XKR6: variants seen among roughly 807,000 people sequenced by gnomAD.
XKR6 encodes XK related 6.
In XKR6, 22 loss-of-function variants were observed where a neutral mutation model predicts 56.7. The ratio of observed to expected loss-of-function variants is 0.39; its 90% confidence interval spans 0.28 to 0.55. The LOEUF is 0.55. Among genes scored for constraint, XKR6 ranks in the 20% least tolerant of loss-of-function variants. The probability of loss-of-function intolerance (pLI) is 0.66; values close to 1 mark genes in which losing one functional copy is unlikely to be tolerated. For synonymous variants in XKR6, 524 were observed against 387.8 expected, an observed-to-expected ratio of 1.35 and a Z score of -4.13; for missense variants, 852 against 889.0, an observed-to-expected ratio of 0.96 and a Z score of 0.53.
intron 1 of XKR6, among the ~76,000 whole-genome samples, chr8:10,944,427 G>C (rs936944081): frequency 6.6e-6 from 1 of 152,188 alleles, no homozygotes; most frequent in African/African-American, 2.4e-5. Flanking sequence ...CCAGCACACA[G>C]AAGGCAAGGG....
intron 1 of XKR6, among the ~76,000 whole-genome samples, chr8:11,134,504 C>A (rs1280940344): frequency 1.3e-5 from 2 of 152,146 alleles, no homozygotes; most frequent in Non-Finnish European, 2.9e-5. Flanking sequence ...GTCTCCTAGG[C>A]ACAATGGCAG....
Position 11,178,547 on chromosome 8 carries a change from A to ATATATGT in XKR6, c.764+22028_764+22029insACATATA, listed in dbSNP as rs1802779230. On this transcript the variant is annotated intron_variant, in intron 1 of 2. Coordinates refer to ENST00000416569, the MANE Select transcript of XKR6 (RefSeq NM_173683.4). ...TAAGTCCAAACATCTGAGAGGTAAA[A>ATATATGT]ATATATATATATATATATATATATA... 6.1e-4 allele frequency among the ~76,000 whole-genome samples: 54 copies of ATATATGT among 88,496 alleles called. 1 individual carries two copies. The highest frequency in any genetic ancestry group is 3.0e-3 in the African/African-American group (51 of 17,206). 58.1% of individuals were successfully genotyped at this position (88,496 alleles called of 152,430 possible).
At chr8:11,195,320 G>C (rs1292542252) in intron 1 of XKR6, 1 of 600,156 alleles carries the variant, frequency 1.7e-6, no homozygotes, top group Non-Finnish European at 3.0e-6. Context: ...ACCTAAGGTA[G>C]AGATTCATTT....
chr8:11,009,266 T>C (rs1313146359), intron 1 of XKR6, among the ~76,000 whole-genome samples: 1 of 152,172 alleles, frequency 6.6e-6, no homozygotes, highest in Non-Finnish European at 1.5e-5. Context: ...ATCCCAGCAA[T>C]TTGGGAGGCC....
intron 1 of XKR6, among the ~76,000 whole-genome samples, chr8:10,986,123 A>C (rs925379837): frequency 6.6e-6 from 1 of 152,264 alleles, no homozygotes; most frequent in African/African-American, 2.4e-5. Flanking sequence ...GACCAGAAAC[A>C]GACTGAAGAT....
intron 1 of XKR6, among the ~76,000 whole-genome samples, chr8:11,120,121 G>T (rs1799375639): frequency 6.6e-6 from 1 of 152,162 alleles, no homozygotes; most frequent in South Asian, 2.1e-4. Context: ...TTTGAAAACT[G>T]GCAGAAGACA....
At chr8:11,184,681 A>G (rs760801162) in intron 1 of XKR6, among the ~76,000 whole-genome samples, 5 of 152,278 alleles carry the variant, frequency 3.3e-5, no homozygotes, top group South Asian at 2.1e-4. Flanking sequence ...TAACACCTTT[A>G]TAAGGAATTT....
At chr8:10,965,672 A>G (rs1290054565) in intron 1 of XKR6, among the ~76,000 whole-genome samples, 2 of 152,210 alleles carry the variant, frequency 1.3e-5, no homozygotes, top group African/African-American at 4.8e-5. Flanking sequence ...CGGAAGCGCC[A>G]TCTCTCTCTT....
chr8:11,063,333 A>G (rs1016565049), intron 1 of XKR6, among the ~76,000 whole-genome samples: 44 of 151,834 alleles, frequency 2.9e-4, no homozygotes, highest in African/African-American at 9.9e-4. Context: ...AAAAAAAAAA[A>G]TCCCACAAAA....
At chr8:10,984,720 C>CTATATGTATA (rs1212342415) in intron 1 of XKR6, among the ~76,000 whole-genome samples, 10 of 83,262 alleles carry the variant, frequency 1.2e-4, no homozygotes, top group African/African-American at 5.3e-4. Flanking sequence ...CTCTCTCTCT[C>CTATATGTATA]TCTCTCTCTC....
At chr8:10,952,959 T>C (rs1185802941) in intron 1 of XKR6, among the ~76,000 whole-genome samples, 9 of 152,136 alleles carry the variant, frequency 5.9e-5, no homozygotes, top group Admixed American at 4.6e-4. Context: ...TTGTGAACTG[T>C]GCCTGCGAGG....
At chr8:11,189,822 C>G (rs1382431849) in intron 1 of XKR6, among the ~76,000 whole-genome samples, 3 of 152,172 alleles carry the variant, frequency 2.0e-5, no homozygotes, top group Non-Finnish European at 2.9e-5. Context: ...TCTCAAATAT[C>G]TGGCTCCTCA....
rs564727401 is a variant in XKR6 at position 11,134,407 on chromosome 8, G to T, written c.764+66169C>A. On this transcript the variant is annotated intron_variant, in intron 1 of 2. Coordinates refer to ENST00000416569, the MANE Select transcript of XKR6 (RefSeq NM_173683.4). ...GTATTAGCAAGGATACAGAGAAAAG[G>T]GTAGCATCATACACTGTTGGACAAC... Among the ~76,000 whole-genome samples, 11 of 152,162 alleles carry T rather than the reference G, an allele frequency of 7.2e-5. No individual in the cohort carries two copies. In the East Asian group the frequency reaches 1.9e-3, roughly 27 times the overall value.
intron 1 of XKR6, among the ~76,000 whole-genome samples, chr8:11,033,657 C>T (rs1451880490): frequency 6.6e-6 from 1 of 152,062 alleles, no homozygotes; most frequent in African/African-American, 2.4e-5. Flanking sequence ...CTCTACCAGC[C>T]CCTTAGAATT....
intron 2 of XKR6, among the ~76,000 whole-genome samples, chr8:10,915,345 G>C (rs1224243997): frequency 1.9e-5 from 2 of 103,614 alleles, no homozygotes; most frequent in Non-Finnish European, 4.2e-5. Context: ...GCCGTTGTCA[G>C]AGCCCCCATG....
At chr8:10,928,946 CG>C (rs1800979933) in intron 1 of XKR6, among the ~76,000 whole-genome samples, 2 of 152,320 alleles carry the variant, frequency 1.3e-5, no homozygotes, top group African/African-American at 2.4e-5. Flanking sequence ...ATGAAATACA[CG>C]GGGGTGAAAG....
At chr8:11,008,216 C>T (rs1006128520) in intron 1 of XKR6, among the ~76,000 whole-genome samples, 1 of 152,130 alleles carries the variant, frequency 6.6e-6, no homozygotes, top group African/African-American at 2.4e-5. Flanking sequence ...AGCTTGTCTT[C>T]CCCAATCCAT....
intron 1 of XKR6, among the ~76,000 whole-genome samples, chr8:11,012,531 C>T (rs1227543241): frequency 6.6e-6 from 1 of 152,040 alleles, no homozygotes; most frequent in African/African-American, 2.4e-5. Flanking sequence ...GACAGCAGTC[C>T]CTGGCTACAT....
At chr8:11,064,433 G>A (rs550882913) in intron 1 of XKR6, among the ~76,000 whole-genome samples, 4 of 130,340 alleles carry the variant, frequency 3.1e-5, no homozygotes, top group East Asian at 2.0e-4. Context: ...ATCCGTTATC[G>A]TGCCAAGAGG....
Sources: allele counts gnomAD v4.1 joint callset (sites outside exome capture counted in the v4.1 genomes callset), GRCh38; gene constraint gnomAD v4.1.1; transcripts MANE v1.5; gene names NCBI Gene and HGNC (gene_info 2026-07-23, HGNC 2026-07-21).